FRMPD3: variants seen among roughly 807,000 people sequenced by gnomAD.
FRMPD3 encodes the protein FERM and PDZ domain-containing protein 3.
In FRMPD3, 42 loss-of-function variants were observed where a neutral mutation model predicts 97.9. The observed-to-expected ratio is 0.43, with a 90% CI of 0.34 to 0.55. The LOEUF (loss-of-function observed/expected upper bound fraction) is 0.55. FRMPD3 is among the 20% of genes least tolerant of loss of function. The pLI is 0.03. For missense variants in FRMPD3, 1,303 were observed against 1,457.7 expected (o/e 0.89, Z 1.73); for synonymous variants, 577 against 581.1 (o/e 0.99, Z 0.10).
intron 1 of FRMPD3, among the ~76,000 whole-genome samples, chrX:107,494,185 C>T (rs927629629): frequency 8.9e-6 from 1 of 112,091 alleles, no homozygotes; most frequent in Non-Finnish European, 1.9e-5. Context: ...TGATTCTTAC[C>T]TCTCCTACAT....
At chrX:107,556,096 G>C (rs1259630544) in intron 8 of FRMPD3, among the ~76,000 whole-genome samples, 2 of 111,529 alleles carry the variant, frequency 1.8e-5, no homozygotes, top group Non-Finnish European at 3.8e-5. Context: ...ACATACAACA[G>C]CACTTAATGA....
intron 1 of FRMPD3, among the ~76,000 whole-genome samples, chrX:107,486,763 A>T (rs1921515306): frequency 8.9e-6 from 1 of 111,995 alleles, no homozygotes; most frequent in Non-Finnish European, 1.9e-5. Flanking sequence ...TGAAATCTCT[A>T]TTCCTTAAGA....
intron 1 of FRMPD3, among the ~76,000 whole-genome samples, 178 bp from the exon 2 acceptor site, chrX:107,526,404 T>C (rs144900805): frequency 1.9e-4 from 21 of 111,681 alleles, no homozygotes; most frequent in Middle Eastern, 4.6e-3. Flanking sequence ...TAGATTTCTC[T>C]TTCTCCAATC....
chrX:107,539,419 G>T (rs762789815), intron 4 of FRMPD3, among the ~76,000 whole-genome samples: 2 of 112,050 alleles, frequency 1.8e-5, no homozygotes, highest in African/African-American at 3.2e-5. Context: ...GCACACAGTA[G>T]GCACTCAGTA....
chrX:107,596,730 A>G (rs1459533118), intron 13 of FRMPD3, among the ~76,000 whole-genome samples: 1 of 112,275 alleles, frequency 8.9e-6, no homozygotes, highest in Non-Finnish European at 1.9e-5. Context: ...CGGAATTCTA[A>G]TATAGAGCCT....
chrX:107,488,061 GCT>G (rs1162457880), intron 1 of FRMPD3, among the ~76,000 whole-genome samples: 1 of 111,179 alleles, frequency 9.0e-6, no homozygotes, highest in African/African-American at 3.3e-5. Flanking sequence ...TCTCCTCTCT[GCT>G]CTCTCTGCAA....
In FRMPD3 at chrX:107,490,356, T is replaced by A. The variant is rs746724921; in HGVS notation, c.-7-36226T>A. Reference sequence around the variant, plus strand: ...GGTTCCATATGAACTTTAAAGTAGTTTTTTCCAATTCTGTGAAGAAAGTCA... The same window carrying A: ...GGTTCCATATGAACTTTAAAGTAGTATTTTCCAATTCTGTGAAGAAAGTCA... On this transcript the variant is annotated intron_variant, in intron 1 of 14. Coordinates refer to ENST00000683843, the MANE Select transcript of FRMPD3 (RefSeq NM_001388459.1). Among the ~76,000 whole-genome samples the A allele has an allele frequency of 2.7e-3, 303 of 112,190 alleles. 4 individuals are homozygous for A. The highest frequency in any genetic ancestry group is 9.3e-3 in the African/African-American group (288 of 30,882).
At chrX:107,541,701 G>C (rs950913512) in intron 4 of FRMPD3, among the ~76,000 whole-genome samples, 1 of 111,482 alleles carries the variant, frequency 9.0e-6, no homozygotes, top group Non-Finnish European at 1.9e-5. Context: ...TACATAAAAG[G>C]ATACCAGTTG....
At chrX:107,487,269 A>T (rs998508423) in intron 1 of FRMPD3, among the ~76,000 whole-genome samples, 1 of 111,134 alleles carries the variant, frequency 9.0e-6, no homozygotes, top group Admixed American at 9.6e-5. Context: ...AATTTTTAAA[A>T]AATGAAAAAA....
chrX:107,543,556 C>T (rs1352000323), intron 4 of FRMPD3, among the ~76,000 whole-genome samples: 1 of 111,147 alleles, frequency 9.0e-6, no homozygotes, highest in Non-Finnish European at 1.9e-5. Context: ...GTGGCTCATA[C>T]CTGTATCCCA....
At chrX:107,568,234 T>G (rs965899499) in intron 12 of FRMPD3, among the ~76,000 whole-genome samples, 2 of 109,983 alleles carry the variant, frequency 1.8e-5, no homozygotes, top group Middle Eastern at 4.7e-3. Context: ...TTATTTTATT[T>G]TATTATTATA....
intron 13 of FRMPD3, among the ~76,000 whole-genome samples, chrX:107,582,875 G>A (rs1365517349): frequency 9.0e-6 from 1 of 111,477 alleles, no homozygotes; most frequent in East Asian, 2.8e-4. Context: ...ATTAATTCTT[G>A]AATTAGCTGT....
Position 107,449,754 on chromosome X carries a change from G to T in FRMPD3, c.-259G>T, listed in dbSNP as rs1931238930. ...AGCCCGCGCGCGCTCCTGCCATCCT[G>T]CCCGCAGCCCGCCGCCTGCGCGCCA... is the stretch of plus-strand genomic sequence containing the variant. On this transcript the variant is annotated 5_prime_UTR_variant, in exon 1 of 15. Transcript: ENST00000683843. Among the ~76,000 whole-genome samples the T allele has an allele frequency of 9.2e-6, 1 of 108,982 alleles. No individual in the cohort carries two copies. The highest frequency in any genetic ancestry group is 1.9e-5 in the Non-Finnish European group (1 of 51,930). 94.6% of individuals were successfully genotyped at this position (108,982 alleles called of 115,157 possible).
chrX:107,532,966 A>C (rs1252106304), intron 3 of FRMPD3, among the ~76,000 whole-genome samples: 1 of 111,807 alleles, frequency 8.9e-6, no homozygotes, highest in Admixed American at 9.5e-5. Flanking sequence ...TTTGGCTTCC[A>C]TCTGTTGCTC....
At chrX:107,594,409 T>G (rs1924063728) in intron 13 of FRMPD3, among the ~76,000 whole-genome samples, 1 of 112,266 alleles carries the variant, frequency 8.9e-6, no homozygotes, top group South Asian at 3.7e-4. Flanking sequence ...TACAATTAAG[T>G]TATTATTGAC....
chrX:107,507,150 G>C (rs376509160), intron 1 of FRMPD3, among the ~76,000 whole-genome samples: 203 of 110,495 alleles, frequency 1.8e-3, no homozygotes, highest in African/African-American at 6.5e-3. Context: ...GCTGGCATGG[G>C]CCCCCCTCCA....
intron 2 of FRMPD3, among the ~76,000 whole-genome samples, chrX:107,528,172 A>G (rs1301848083): frequency 9.0e-6 from 1 of 111,702 alleles, no homozygotes; most frequent in Non-Finnish European, 1.9e-5. Flanking sequence ...AGCCCTATAA[A>G]AGCCCTATAA....
At chrX:107,476,416 T>C (rs1045812696) in intron 1 of FRMPD3, among the ~76,000 whole-genome samples, 8 of 112,450 alleles carry the variant, frequency 7.1e-5, no homozygotes, top group Non-Finnish European at 1.5e-4. Context: ...TCCCATTTCG[T>C]CACTAGAATC....
At chrX:107,550,326 G>T (rs1192995492) in intron 6 of FRMPD3, among the ~76,000 whole-genome samples, 170 bp downstream of exon 6, 1 of 111,820 alleles carries the variant, frequency 8.9e-6, no homozygotes, top group Admixed American at 9.5e-5. Flanking sequence ...AGTCCCAGAT[G>T]AGAGTGGTGG....
Sources: gnomAD v4.1 joint callset for allele counts (sites outside exome capture counted in the v4.1 genomes callset) on GRCh38, gnomAD v4.1.1 for gene constraint, MANE v1.5 for transcripts, NCBI Gene and HGNC (gene_info 2026-07-23, HGNC 2026-07-21) for gene names.